The following KCNIP4 variants were observed in gnomAD, a reference collection of about 807,000 sequenced individuals.
KCNIP4 encodes the protein potassium voltage-gated channel interacting protein 4.
KCNIP4 carries 12 observed loss-of-function variants against 34.0 expected under a neutral mutation model. The observed-to-expected ratio is 0.35, with a 90% CI of 0.23 to 0.57. The LOEUF is 0.57. Among genes scored for constraint, KCNIP4 ranks in the 20% least tolerant of loss-of-function variants. The pLI is 0.83. For missense variants in KCNIP4, 238 were observed against 311.7 expected, an observed-to-expected ratio of 0.76 and a Z score of 1.78; for synonymous variants, 124 against 102.2, an observed-to-expected ratio of 1.21 and a Z score of -1.29.
intron 1 of KCNIP4, among the ~76,000 whole-genome samples, chr4:21,540,086 C>T (rs1503986): frequency 0.36 from 55,121 of 151,680 alleles, 10,296 homozygotes; most frequent in South Asian, 0.52. Flanking sequence ...TATGTAGTCA[C>T]GCATTATTAT....
intron 1 of KCNIP4, among the ~76,000 whole-genome samples, chr4:21,496,442 C>T (rs1194218516): frequency 6.6e-6 from 1 of 152,098 alleles, no homozygotes; most frequent in Non-Finnish European, 1.5e-5. Context: ...AAGAGTTTAG[C>T]CCAATTCTAA....
chr4:21,916,277 C>T (rs1441638192), intron 1 of KCNIP4, among the ~76,000 whole-genome samples: 3 of 152,152 alleles, frequency 2.0e-5, no homozygotes, highest in Non-Finnish European at 4.4e-5. Context: ...TCCTATATTT[C>T]TTATCTAGTT....
intron 1 of KCNIP4, among the ~76,000 whole-genome samples, chr4:21,912,198 G>A (rs1310933741): frequency 1.3e-5 from 2 of 152,128 alleles, no homozygotes; most frequent in African/African-American, 4.8e-5. Context: ...ATACAAAGAT[G>A]ATTATGATAT....
At chr4:21,510,007 A>G (rs1734173056) in intron 1 of KCNIP4, among the ~76,000 whole-genome samples, 1 of 145,820 alleles carries the variant, frequency 6.9e-6, no homozygotes, top group African/African-American at 2.6e-5. Context: ...AATCCCAGCT[A>G]CTCGGAAAGC....
chr4:21,013,253 T>A (rs1224885611), intron 1 of KCNIP4, among the ~76,000 whole-genome samples: 2 of 152,100 alleles, frequency 1.3e-5, no homozygotes, highest in Non-Finnish European at 2.9e-5. Flanking sequence ...GGCTGCATTC[T>A]TCAGCCCTAG....
chr4:21,239,602 C>T (rs1302021512), intron 1 of KCNIP4, among the ~76,000 whole-genome samples: 1 of 152,178 alleles, frequency 6.6e-6, no homozygotes. Flanking sequence ...GACATTTATG[C>T]AGCCAACAGA....
At chr4:21,351,435 G>C (rs761732611) in intron 1 of KCNIP4, among the ~76,000 whole-genome samples, 1 of 152,058 alleles carries the variant, frequency 6.6e-6, no homozygotes, top group Non-Finnish European at 1.5e-5. Flanking sequence ...ACATGCCTTT[G>C]GTTTTCCTTC....
intron 1 of KCNIP4, among the ~76,000 whole-genome samples, chr4:21,437,533 C>A (rs142924505): frequency 6.6e-6 from 1 of 152,154 alleles, no homozygotes. Context: ...TTTCAGTGAA[C>A]GCTATTTTAA....
chr4:21,683,634 A>G (rs941538583), intron 1 of KCNIP4, among the ~76,000 whole-genome samples: 1 of 151,218 alleles, frequency 6.6e-6, no homozygotes, highest in African/African-American at 2.4e-5. Context: ...ACGCCTGGCT[A>G]ATTTTTTGTA....
chr4:21,461,777 G>T (rs1729484897), intron 1 of KCNIP4, among the ~76,000 whole-genome samples: 1 of 151,694 alleles, frequency 6.6e-6, no homozygotes, highest in Non-Finnish European at 1.5e-5. Flanking sequence ...TTCAGAATTT[G>T]GTTAAGAGGT....
intron 1 of KCNIP4, among the ~76,000 whole-genome samples, chr4:21,367,279 T>C (rs1719879645): frequency 6.6e-6 from 1 of 152,204 alleles, no homozygotes; most frequent in African/African-American, 2.4e-5. Context: ...TTGACCAAAT[T>C]AACATGCATG....
chr4:21,237,844 A>C (rs1460659703), intron 1 of KCNIP4, among the ~76,000 whole-genome samples: 3 of 152,228 alleles, frequency 2.0e-5, no homozygotes, highest in Non-Finnish European at 4.4e-5. Context: ...ATTCCAATCA[A>C]TAGAAAAAGA....
At chr4:21,890,651 C>T (rs1727039392) in intron 1 of KCNIP4, among the ~76,000 whole-genome samples, 1 of 152,068 alleles carries the variant, frequency 6.6e-6, no homozygotes, top group Admixed American at 6.6e-5. Flanking sequence ...ATACCACTTA[C>T]TCAGCACCAC....
chr4:21,039,018 AG>A (rs1741713223), intron 1 of KCNIP4, among the ~76,000 whole-genome samples: 1 of 152,136 alleles, frequency 6.6e-6, no homozygotes, highest in Non-Finnish European at 1.5e-5. Context: ...CACCAGATTG[AG>A]AGTGAAGCTA....
intron 2 of KCNIP4, among the ~76,000 whole-genome samples, chr4:20,851,738 A>G (rs1721044578): frequency 6.6e-6 from 1 of 152,214 alleles, no homozygotes; most frequent in African/African-American, 2.4e-5. Context: ...GAAGATCACA[A>G]ATAGTCCAAC....
At chr4:20,779,960 G>A (rs778141520) in intron 3 of KCNIP4, among the ~76,000 whole-genome samples, 1 of 152,204 alleles carries the variant, frequency 6.6e-6, no homozygotes, top group Non-Finnish European at 1.5e-5. Flanking sequence ...GACAGTAAGA[G>A]AGTAAATTTT....
chr4:21,665,709 T>C (rs980394504), intron 1 of KCNIP4, among the ~76,000 whole-genome samples: 2 of 152,170 alleles, frequency 1.3e-5, no homozygotes, highest in African/African-American at 4.8e-5. Context: ...CTGTCTGCAA[T>C]GAACAAGATA....
intron 1 of KCNIP4, among the ~76,000 whole-genome samples, chr4:21,645,001 CTTAT>C (rs1004201235): frequency 6.6e-6 from 1 of 152,068 alleles, no homozygotes; most frequent in Non-Finnish European, 1.5e-5. Context: ...AGAGATAACT[CTTAT>C]TGAACATTAC....
At chr4:21,343,067 T>C (rs1316586050) in intron 1 of KCNIP4, among the ~76,000 whole-genome samples, 1 of 151,958 alleles carries the variant, frequency 6.6e-6, no homozygotes, top group African/African-American at 2.4e-5. Flanking sequence ...ACCAGCAACA[T>C]AAGAATAGAG....
Sources: gnomAD v4.1 joint callset for allele counts (sites outside exome capture counted in the v4.1 genomes callset) on GRCh38, gnomAD v4.1.1 for gene constraint, MANE v1.5 for transcripts, NCBI Gene and HGNC (gene_info 2026-07-23, HGNC 2026-07-21) for gene names.